The following EYS variants were observed in gnomAD, a reference collection of about 807,000 sequenced individuals.
EYS encodes protein eyes shut homolog.
EYS carries 250 observed loss-of-function variants against 282.1 expected under a neutral mutation model. That is an observed-to-expected ratio of 0.89 (90% CI 0.80 to 0.98). The LOEUF is 0.98. Ranked by LOEUF, EYS falls within the 50% of genes least tolerant of loss-of-function variation. The pLI, the probability that EYS is intolerant of heterozygous loss-of-function variation, is 0.00. For synonymous variants in EYS, 1,355 were observed against 1,282.9 expected (o/e 1.06, Z -1.20); for missense variants, 4,016 against 3,709.0 (o/e 1.08, Z -2.15).
At chr6:64,683,300 A>G (rs933833723) in intron 22 of EYS, among the ~76,000 whole-genome samples, 1 of 152,232 alleles carries the variant, frequency 6.6e-6, no homozygotes, top group African/African-American at 2.4e-5. Context: ...TTCTGATAGC[A>G]GAGAAATAAT....
chr6:65,047,434 T>C lies in EYS; in HGVS notation c.2137+10180A>G, dbSNP rs564199491. On this transcript the variant is annotated intron_variant, in intron 13 of 42. Transcript: ENST00000503581. ...TGTTTTTTGTTTCAAATCTAAGAAT[T>C]CTTTGAATAGCTCTAAGTCCCAAAT... Among the ~76,000 whole-genome samples, 30 of 152,040 alleles carry C rather than the reference T, an allele frequency of 2.0e-4. No individual in the cohort carries two copies. The South Asian group carries it at 2.9e-3, about 15-fold the overall frequency.
intron 1 of EYS, among the ~76,000 whole-genome samples, chr6:65,671,009 T>C (rs945603257): frequency 6.6e-6 from 1 of 152,074 alleles, no homozygotes. Context: ...TTGTTAAACA[T>C]TGATTTGTCT....
chr6:63,825,492 C>T (rs369436377), intron 36 of EYS, among the ~76,000 whole-genome samples: 8 of 152,182 alleles, frequency 5.3e-5, no homozygotes, highest in South Asian at 2.1e-4. Flanking sequence ...CAGAGTCCAT[C>T]GTGCCCTTCG....
At chr6:64,552,716 C>T (rs1404611879) in intron 26 of EYS, among the ~76,000 whole-genome samples, 2 of 151,906 alleles carry the variant, frequency 1.3e-5, no homozygotes, top group African/African-American at 4.8e-5. Context: ...AGTTTGAGGC[C>T]AGCCTGGCCA....
chr6:64,812,456 T>A (rs1162254141), intron 22 of EYS, among the ~76,000 whole-genome samples: 1 of 151,810 alleles, frequency 6.6e-6, no homozygotes, highest in Non-Finnish European at 1.5e-5. Flanking sequence ...ACACACCAAA[T>A]AAAAAATACA....
rs150948241 is a variant in EYS, at chr6:64,396,545, T to C, written c.5928-7705A>G. ...CTGACTTACTCCATTTTTGAAACTA[T>C]ATTTTAGTATTGACATTTAGATCTA... On this transcript the variant is annotated intron_variant, in intron 28 of 42. Coordinates refer to ENST00000503581, the MANE Select transcript of EYS (RefSeq NM_001142800.2). Among the ~76,000 whole-genome samples, 448 of 152,206 alleles carry C rather than the reference T, an allele frequency of 2.9e-3. 3 individuals carry two copies. The highest frequency in any genetic ancestry group is 0.01 in the African/African-American group (420 of 41,528).
At chr6:64,150,427 A>G (rs1054921767) in intron 31 of EYS, among the ~76,000 whole-genome samples, 3 of 152,180 alleles carry the variant, frequency 2.0e-5, no homozygotes, top group Non-Finnish European at 4.4e-5. Flanking sequence ...CAACAAATAT[A>G]AGAAACAATT....
chr6:65,554,710 G>A (rs1156866887), intron 2 of EYS, among the ~76,000 whole-genome samples: 2 of 152,138 alleles, frequency 1.3e-5, no homozygotes, highest in African/African-American at 4.8e-5. Flanking sequence ...AAATAGCAAT[G>A]CCCTATCAGA....
At chr6:64,864,324 T>C (rs975296195) in intron 19 of EYS, among the ~76,000 whole-genome samples, 7 of 148,470 alleles carry the variant, frequency 4.7e-5, no homozygotes, top group African/African-American at 1.7e-4. Flanking sequence ...AGAGCTAAGT[T>C]GGCACAAGTG....
At chr6:64,530,200 TA>T (rs1764282229) in intron 26 of EYS, among the ~76,000 whole-genome samples, 1 of 152,226 alleles carries the variant, frequency 6.6e-6, no homozygotes, top group East Asian at 1.9e-4. Flanking sequence ...AGTAAACAAT[TA>T]TTTTTTTAAA....
chr6:65,186,727 G>A (rs1241799999), intron 12 of EYS, among the ~76,000 whole-genome samples: 2 of 151,736 alleles, frequency 1.3e-5, no homozygotes, highest in Admixed American at 6.6e-5. Flanking sequence ...CTTCAGAACG[G>A]TGTCGCCTCT....
At chr6:64,938,337 TGA>T (rs375999442) in intron 15 of EYS, among the ~76,000 whole-genome samples, 2,804 of 148,122 alleles carry the variant, frequency 0.019, 34 homozygotes, top group African/African-American at 0.036. Flanking sequence ...TAAGATATTT[TGA>T]GAGAGAGAGA....
At chr6:64,548,480 A>G (rs916743904) in intron 26 of EYS, among the ~76,000 whole-genome samples, 5 of 152,218 alleles carry the variant, frequency 3.3e-5, no homozygotes, top group Non-Finnish European at 5.9e-5. Context: ...CATATACACC[A>G]TGGAATGCTA....
chr6:64,415,001 T>C (rs1774018651), intron 28 of EYS, among the ~76,000 whole-genome samples: 1 of 152,228 alleles, frequency 6.6e-6, no homozygotes, highest in Non-Finnish European at 1.5e-5. Context: ...TATGTCTCTC[T>C]CTAATTTTCT....
In EYS at chr6:65,620,318, C is replaced by T. The variant is rs199589635; in HGVS notation, c.-333+19460G>A. Among the ~76,000 whole-genome samples, 15 of 152,222 alleles carry T rather than the reference C, an allele frequency of 9.9e-5. 1 individual carries two copies. In the East Asian group the frequency reaches 2.1e-3, roughly 22 times the overall value. On this transcript the variant is annotated intron_variant, in intron 2 of 42. Transcript: ENST00000503581. ...GTGTCGAGGAATTCATCCATTTCTT[C>T]TAGATTTTCTAGTTTATTTGCGTAG...
intron 33 of EYS, among the ~76,000 whole-genome samples, chr6:64,033,309 T>A (rs886803746): frequency 1.3e-5 from 2 of 152,196 alleles, no homozygotes; most frequent in Non-Finnish European, 2.9e-5. Context: ...GAAAAAAGGC[T>A]CCTTTTACTC....
intron 14 of EYS, among the ~76,000 whole-genome samples, chr6:64,962,283 G>T (rs1276851872): frequency 2.7e-5 from 4 of 145,796 alleles, no homozygotes; most frequent in Non-Finnish European, 6.2e-5. Context: ...ATAAACAGAG[G>T]TTTATTTTAT....
chr6:64,513,148 CAATTT>C (rs1239214615), intron 26 of EYS, among the ~76,000 whole-genome samples: 1 of 151,668 alleles, frequency 6.6e-6, no homozygotes, highest in African/African-American at 2.4e-5. Context: ...TCAGGTAATT[CAATTT>C]AATTTAATTA....
intron 14 of EYS, among the ~76,000 whole-genome samples, chr6:64,959,904 A>C (rs1199233793): frequency 6.8e-6 from 1 of 147,834 alleles, no homozygotes; most frequent in Non-Finnish European, 1.5e-5. Flanking sequence ...TTTTTTAAGA[A>C]GAACCACTGT....
Sources: allele counts gnomAD v4.1 joint callset (sites outside exome capture counted in the v4.1 genomes callset), GRCh38; gene constraint gnomAD v4.1.1; transcripts MANE v1.5; gene names NCBI Gene and HGNC (gene_info 2026-07-23, HGNC 2026-07-21).